Variants in AGBL1 observed in about 807,000 individuals in gnomAD.
The protein encoded by AGBL1 is cytosolic carboxypeptidase 4.
AGBL1 carries 130 observed loss-of-function variants against 118.9 expected under a neutral mutation model. The ratio of observed to expected loss-of-function variants is 1.09; its 90% CI spans 0.95 to 1.26. The LOEUF (loss-of-function observed/expected upper bound fraction) is 1.26. Ranked by LOEUF, AGBL1 falls within the 50% of genes most tolerant of loss-of-function variation. The pLI, the probability that AGBL1 is intolerant of heterozygous loss-of-function variation, is 0.00. For synonymous variants in AGBL1, 555 were observed against 478.9 expected (o/e 1.16, Z -2.08); for missense variants, 1,584 against 1,298.1 (o/e 1.22, Z -3.38).
chr15:86,278,491 C>T (rs1285501474), intron 15 of AGBL1, among the ~76,000 whole-genome samples: 1 of 152,124 alleles, frequency 6.6e-6, no homozygotes, highest in Non-Finnish European at 1.5e-5. Flanking sequence ...AACAGATTTT[C>T]TATCTCTTTC....
At chr15:86,206,439 A>G (rs1004696128) in intron 5 of AGBL1, among the ~76,000 whole-genome samples, 1 of 152,178 alleles carries the variant, frequency 6.6e-6, no homozygotes, top group Non-Finnish European at 1.5e-5. Context: ...AACAGTGAGA[A>G]AGTGTTCCTA....
chr15:86,161,815 C>T (rs969613509), intron 5 of AGBL1, among the ~76,000 whole-genome samples: 1 of 152,190 alleles, frequency 6.6e-6, no homozygotes, highest in Non-Finnish European at 1.5e-5. Context: ...GGAAGACCTG[C>T]TCTGTAAGCC....
At chr15:86,114,110 A>G (rs1425422539) in intron 1 of AGBL1, among the ~76,000 whole-genome samples, 2 of 152,250 alleles carry the variant, frequency 1.3e-5, no homozygotes, top group Non-Finnish European at 2.9e-5. Flanking sequence ...TTATTTATAA[A>G]CTTGTCTGAA....
At position 86,264,698 on chromosome 15, in the gene AGBL1, C is replaced by T. The variant is rs749164915; in HGVS notation, c.1527C>T (p.His509=). 48 of 1,613,890 alleles carry T rather than the reference C, an allele frequency of 3.0e-5. No individual in the cohort carries two copies. Among genetic ancestry groups the T allele is most frequent in the East Asian group, 2.0e-4 (9 of 44,886 alleles). Residue 509 remains histidine (H), a synonymous_variant, in exon 11 of 23, where the codon CAC becomes CAT. Transcript: ENST00000614907. ...LQTHLKRVPF[H]DPYLYMAKAR... is the part of the protein sequence containing the mutation. Reference sequence around the variant, plus strand: ...CACATCTGAAGCGTGTCCCTTTCCACGATCCCTATCTTTATATGGCCAAAG... The same window carrying T: ...CACATCTGAAGCGTGTCCCTTTCCATGATCCCTATCTTTATATGGCCAAAG...
At chr15:86,465,107 T>C (rs981920327) in intron 18 of AGBL1, among the ~76,000 whole-genome samples, 1 of 152,174 alleles carries the variant, frequency 6.6e-6, no homozygotes, top group Non-Finnish European at 1.5e-5. Context: ...GCTGAAGCCA[T>C]GGCAGAACAT....
At chr15:86,265,929 A>G (rs1812676081) in intron 11 of AGBL1, among the ~76,000 whole-genome samples, 1 of 152,194 alleles carries the variant, frequency 6.6e-6, no homozygotes, top group Non-Finnish European at 1.5e-5. Flanking sequence ...GACAGAGCCC[A>G]AGGAATATAA....
intron 1 of AGBL1, among the ~76,000 whole-genome samples, chr15:86,134,874 A>G (rs977866368): frequency 6.6e-6 from 1 of 151,774 alleles, no homozygotes; most frequent in Non-Finnish European, 1.5e-5. Flanking sequence ...CAGCCTCCCA[A>G]AGTGCTGGGA....
chr15:86,863,481 T>C (rs1671310799), intron 22 of AGBL1, among the ~76,000 whole-genome samples: 1 of 151,682 alleles, frequency 6.6e-6, no homozygotes, highest in South Asian at 2.1e-4. Context: ...GCCACAGTAA[T>C]CGCTGCCTGA....
intron 6 of AGBL1, among the ~76,000 whole-genome samples, chr15:86,238,300 A>G (rs2141968818): frequency 6.6e-6 from 1 of 152,302 alleles, no homozygotes; most frequent in East Asian, 1.9e-4. Flanking sequence ...TCTGTTGTCA[A>G]TAATAGTGCC....
intron 22 of AGBL1, among the ~76,000 whole-genome samples, chr15:86,816,653 A>C (rs2141377662): frequency 6.6e-6 from 1 of 152,302 alleles, no homozygotes; most frequent in Non-Finnish European, 1.5e-5. Context: ...GGAGAGATTA[A>C]AATAGAAAGA....
rs142350031 is a variant in AGBL1 at position 86,187,751 on chromosome 15, T to G, written c.488+28725T>G. Among the ~76,000 whole-genome samples the G allele has an allele frequency of 6.8e-4, 103 of 152,330 alleles. 2 individuals carry two copies. The East Asian group carries it at 0.017, about 25-fold the overall frequency. On this transcript the variant is annotated intron_variant, in intron 5 of 22. Transcript: ENST00000614907. ...GGTCACATGTGACTATGACTTTCAC[T>G]GCTCAACCAATGCACTATCCCAAGG...
intron 24 of AGBL1, among the ~76,000 whole-genome samples, chr15:87,027,271 T>TA (rs564264664): frequency 9.4e-4 from 143 of 151,926 alleles, no homozygotes; most frequent in African/African-American, 3.2e-3. Context: ...ATTAAAAAGT[T>TA]AAAAAACAAC....
intron 21 of AGBL1, among the ~76,000 whole-genome samples, chr15:86,569,011 T>G (rs181038326): frequency 2.1e-5 from 3 of 140,358 alleles, no homozygotes; most frequent in African/African-American, 5.2e-5. Context: ...ACATAAACTG[T>G]TTTTTTTTTT....
intron 18 of AGBL1, among the ~76,000 whole-genome samples, chr15:86,509,724 C>G (rs1472980557): frequency 6.6e-6 from 1 of 152,002 alleles, no homozygotes; most frequent in African/African-American, 2.4e-5. Flanking sequence ...TTTCTCTTCC[C>G]TTATTTATGT....
intron 18 of AGBL1, among the ~76,000 whole-genome samples, chr15:86,463,046 C>T (rs2082353499): frequency 6.6e-6 from 1 of 152,000 alleles, no homozygotes; most frequent in Non-Finnish European, 1.5e-5. Flanking sequence ...CTAATTTATA[C>T]TCCCACCAAC....
chr15:86,879,236 A>G (rs879541831), intron 22 of AGBL1, among the ~76,000 whole-genome samples: 1 of 152,182 alleles, frequency 6.6e-6, no homozygotes, highest in Non-Finnish European at 1.5e-5. Context: ...ATTTTCATTT[A>G]TGCCAATCTA....
intron 22 of AGBL1, among the ~76,000 whole-genome samples, chr15:86,687,288 C>G (rs1014881378): frequency 6.6e-6 from 1 of 152,106 alleles, no homozygotes; most frequent in Non-Finnish European, 1.5e-5. Flanking sequence ...TCTGCAAAGT[C>G]GGCTGGAGAA....
At chr15:86,778,865 A>G (rs1297732554) in intron 22 of AGBL1, among the ~76,000 whole-genome samples, 1 of 152,222 alleles carries the variant, frequency 6.6e-6, no homozygotes, top group Admixed American at 6.5e-5. Context: ...TGGCGAAGTG[A>G]TAAGTGTCCA....
chr15:86,619,138 G>A (rs2084770250), intron 21 of AGBL1, among the ~76,000 whole-genome samples: 1 of 151,962 alleles, frequency 6.6e-6, no homozygotes, highest in Non-Finnish European at 1.5e-5. Flanking sequence ...TATATCAAGT[G>A]CCTGCTATGA....
Sources: gnomAD v4.1 joint callset for allele counts (sites outside exome capture counted in the v4.1 genomes callset) on GRCh38, gnomAD v4.1.1 for gene constraint, MANE v1.5 for transcripts, NCBI Gene and HGNC (gene_info 2026-07-23, HGNC 2026-07-21) for gene names.